The following NTN1 variants were observed in gnomAD, a reference collection of about 807,000 sequenced individuals.
The protein encoded by NTN1 is netrin-1.
NTN1 carries 11 observed loss-of-function variants against 54.2 expected under a neutral mutation model. The ratio of observed to expected loss-of-function variants is 0.20; its 90% CI spans 0.13 to 0.34. The LOEUF is 0.34. Among genes scored for constraint, NTN1 ranks in the 10% least tolerant of loss-of-function variants. The pLI, the probability that NTN1 is intolerant of heterozygous loss-of-function variation, is 1.00. For missense variants in NTN1, 740 were observed against 893.1 expected (o/e 0.83, Z 2.18); for synonymous variants, 371 against 382.0 (o/e 0.97, Z 0.33).
At chr17:9,116,335 C>T (rs2092212361) in intron 2 of NTN1, among the ~76,000 whole-genome samples, 1 of 114,730 alleles carries the variant, frequency 8.7e-6, no homozygotes, top group South Asian at 3.1e-4. Context: ...TGCTGTGTGG[C>T]CTTCACCACG....
At chr17:9,225,999 G>A (rs572644890) in intron 6 of NTN1, among the ~76,000 whole-genome samples, 100 of 152,284 alleles carry the variant, frequency 6.6e-4, no homozygotes, top group African/African-American at 2.2e-3. Context: ...CCTGGGCAGC[G>A]GCCAGAGGGT....
chr17:9,048,759 C>G (rs939728814), intron 2 of NTN1, among the ~76,000 whole-genome samples: 1 of 152,144 alleles, frequency 6.6e-6, no homozygotes, highest in Non-Finnish European at 1.5e-5. Flanking sequence ...CGGGTTCAAG[C>G]AATTCTCCTG....
chr17:9,111,055 C>T (rs1016505015), intron 2 of NTN1, among the ~76,000 whole-genome samples: 1 of 151,668 alleles, frequency 6.6e-6, no homozygotes, highest in Non-Finnish European at 1.5e-5. Flanking sequence ...CTGCTTCAGC[C>T]TCCCGAGTAG....
At chr17:9,182,891 C>T (rs377560604) in intron 4 of NTN1, 25 bp from the exon 5 acceptor site, 46 of 1,613,124 alleles carry the variant, frequency 2.9e-5, no homozygotes, top group Middle Eastern at 1.6e-4. Flanking sequence ...CTCCTCCCCT[C>T]GCCCCCGTCT....
the NTN1 span, among the ~76,000 whole-genome samples, chr17:9,013,232 T>C: frequency 6.7e-6 from 1 of 150,014 alleles, no homozygotes; most frequent in Non-Finnish European, 1.5e-5. Flanking sequence ...TTTTTTTTTT[T>C]TGAGACAGAG....
chr17:9,042,638 T>G (rs2091926424), intron 2 of NTN1, among the ~76,000 whole-genome samples: 1 of 151,994 alleles, frequency 6.6e-6, no homozygotes, highest in Non-Finnish European at 1.5e-5. Flanking sequence ...AATACAAAAA[T>G]TAGCTGGGTG....
intron 2 of NTN1, among the ~76,000 whole-genome samples, chr17:9,048,711 C>T (rs773316109): frequency 7.9e-5 from 12 of 151,674 alleles, no homozygotes; most frequent in Non-Finnish European, 1.8e-4. Context: ...GGCTGGAGTG[C>T]AGTGGCGCAA....
rs1332287834 is a variant in NTN1 at position 9,022,992 on chromosome 17, C to T, written c.619C>T (p.His207Tyr). 3 of 1,609,976 alleles carry T rather than the reference C, an allele frequency of 1.9e-6. No individual in the cohort carries two copies. Among genetic ancestry groups the T allele is most frequent in the African/African-American group, 2.7e-5 (2 of 74,938 alleles). Residue 207 changes from histidine (H) to tyrosine (Y), a missense_variant, in exon 2 of 7, where the codon CAC (histidine) becomes TAC (tyrosine). Coordinates refer to ENST00000173229, the MANE Select transcript of NTN1 (RefSeq NM_004822.3). ...NEQEAVCTDS[H>Y]TDMRPLSGGL... Reference sequence around the variant, plus strand: ...GCAGGAGGCCGTGTGCACCGACTCGCACACCGACATGCGCCCGCTCTCGGG... The same window carrying T: ...GCAGGAGGCCGTGTGCACCGACTCGTACACCGACATGCGCCCGCTCTCGGG...
chr17:9,135,173 C>T lies in NTN1; in HGVS notation c.1019-27640C>T, dbSNP rs146234219. On this transcript the variant is annotated intron_variant, in intron 2 of 6. Coordinates refer to ENST00000173229, the MANE Select transcript of NTN1 (RefSeq NM_004822.3). The surrounding 1 kb of genome is among the most constrained non-coding windows in gnomAD (Gnocchi z 4.4). ...TCCCTTCTCTACCCCATTCCTTTGTCTTTGCTCACCTTGCCAGTTCTTCCC... is the reference window on the plus strand; with the variant it reads ...TCCCTTCTCTACCCCATTCCTTTGTTTTTGCTCACCTTGCCAGTTCTTCCC... 4.3e-3 allele frequency among the ~76,000 whole-genome samples: 659 copies of T among 152,324 alleles called. 6 individuals are homozygous for T. The highest frequency in any genetic ancestry group is 0.015 in the African/African-American group (627 of 41,562).
chr17:9,109,915 T>G (rs555841742), intron 2 of NTN1, among the ~76,000 whole-genome samples: 1 of 152,368 alleles, frequency 6.6e-6, no homozygotes, highest in East Asian at 1.9e-4. Context: ...AGGTTTCCTT[T>G]GCTGTGACAT....
chr17:9,164,809 G>C (rs201892703), intron 3 of NTN1, among the ~76,000 whole-genome samples: 2 of 152,092 alleles, frequency 1.3e-5, no homozygotes, highest in African/African-American at 4.8e-5. Context: ...AAAAAATCAC[G>C]GTTTCAGGTG....
intron 5 of NTN1, among the ~76,000 whole-genome samples, chr17:9,186,356 G>A (rs548810621): frequency 2.1e-4 from 32 of 152,228 alleles, no homozygotes; most frequent in Admixed American, 3.9e-4. Flanking sequence ...AAGAAAGGCT[G>A]CCTTTGATGG....
chr17:9,183,012 T>A, intron 5 of NTN1, 43 bp downstream of exon 5: 1 of 1,489,986 alleles, frequency 6.7e-7, no homozygotes. Context: ...TTTTGCTGGG[T>A]GGTGGGGTGG....
At chr17:9,158,389 A>G (rs1597510035) in intron 2 of NTN1, among the ~76,000 whole-genome samples, 1 of 152,304 alleles carries the variant, frequency 6.6e-6, no homozygotes, top group East Asian at 1.9e-4. Context: ...GCCTCCAAGA[A>G]GGACAGGATG....
chr17:9,152,836 C>T (rs1250178525), intron 2 of NTN1, among the ~76,000 whole-genome samples: 1 of 152,194 alleles, frequency 6.6e-6, no homozygotes, highest in Non-Finnish European at 1.5e-5. Flanking sequence ...GCCAAGTGGG[C>T]TTTCCAGGTC....
At chr17:9,139,818 C>G (rs1198775339) in intron 2 of NTN1, among the ~76,000 whole-genome samples, 1 of 152,094 alleles carries the variant, frequency 6.6e-6, no homozygotes, top group Non-Finnish European at 1.5e-5. Flanking sequence ...TACACCTATC[C>G]ATCCTTCCAT....
At chr17:9,021,409 G>A (rs1302163505), upstream of NTN1, 3 of 151,752 alleles carry the variant, frequency 2.0e-5, no homozygotes, top group Non-Finnish European at 2.9e-5. Context: ...CTTTCCCGGG[G>A]TGAAAACTTT....
chr17:9,221,847 G>C lies in NTN1; in HGVS notation c.1486+605G>C, dbSNP rs961465515. 7.9e-4 allele frequency among the ~76,000 whole-genome samples: 120 copies of C among 152,156 alleles called. No individual in the cohort carries two copies. The highest frequency in any genetic ancestry group is 1.6e-4 in the Non-Finnish European group (11 of 68,020). On this transcript the variant is annotated intron_variant, in intron 6 of 6. Coordinates refer to ENST00000173229, the MANE Select transcript of NTN1 (RefSeq NM_004822.3). This position sits in a 1 kb window ranked among gnomAD's most constrained non-coding sequence, Gnocchi z 4.5. ...TCCCTTCCCGGGAAGGGTGTGTCCTGTCCCCTTGCTCTCATGGTGGTCGTG... is the reference window on the plus strand; with the variant it reads ...TCCCTTCCCGGGAAGGGTGTGTCCTCTCCCCTTGCTCTCATGGTGGTCGTG...
At position 9,023,406 on chromosome 17, in the gene NTN1, G is replaced by A; in HGVS notation, c.1018+15G>A. 7.4e-7 allele frequency: 1 copy of A among 1,355,166 alleles called. No homozygotes were observed. 83.9% of individuals were successfully genotyped at this position (1,355,166 alleles called of 1,614,324 possible). A position where few individuals can be genotyped will look rare whatever the true frequency, so the allele number is the denominator to read the frequency against. ...CGAGTGCGTGGGTGAGTGGGGTGCG[G>A]CGGCGGAGCCGGCGGCGGGTGGGGC... is the stretch of plus-strand genomic sequence containing the variant. On this transcript the variant is annotated intron_variant, in intron 2 of 6. Transcript: ENST00000173229.
Sources: gnomAD v4.1 joint callset for allele counts (sites outside exome capture counted in the v4.1 genomes callset) on GRCh38, gnomAD v4.1.1 for gene constraint, Gnocchi (gnomAD v3.1) non-coding constraint, MANE v1.5 for transcripts, NCBI Gene and HGNC (gene_info 2026-07-23, HGNC 2026-07-21) for gene names.